The following OTUD6B variants were observed in gnomAD, a reference collection of about 807,000 sequenced individuals.
The protein encoded by OTUD6B is deubiquitinase OTUD6B.
A neutral mutation model predicts 36.9 loss-of-function variants in OTUD6B; 41 were observed. The observed-to-expected ratio is 1.11, with a 90% CI of 0.87 to 1.44. The LOEUF (loss-of-function observed/expected upper bound fraction) is 1.44. Among genes scored for constraint, OTUD6B ranks in the 40% most tolerant of loss-of-function variants. The pLI, the probability that OTUD6B is intolerant of heterozygous loss-of-function variation, is 0.00. For missense variants in OTUD6B, 356 were observed against 344.8 expected (o/e 1.03, Z -0.26); for synonymous variants, 114 against 114.2 (o/e 1.00, Z 0.01).
At chr8:91,083,871 T>C in intron 5 of OTUD6B, 137 bp from the exon 6 acceptor site, 1 of 839,084 alleles carries the variant, frequency 1.2e-6, no homozygotes, top group Non-Finnish European at 1.7e-6. Flanking sequence ...ATTTATTAAG[T>C]GCCCAGTATA....
In OTUD6B at chr8:91,084,876, A is replaced by G. The variant is rs1296672080; in HGVS notation, c.*8A>G. On this transcript the variant is annotated 3_prime_UTR_variant, in exon 7 of 7. Coordinates refer to ENST00000404789, the MANE Select transcript of OTUD6B (RefSeq NM_016023.5). ...ACTGAAAATTGCAGCTAATTTATACAATGTTGTACAATTATGTTTTAATAC... is the reference window on the plus strand; with the variant it reads ...ACTGAAAATTGCAGCTAATTTATACGATGTTGTACAATTATGTTTTAATAC... The G allele has an allele frequency of 2.9e-6, 4 of 1,369,094 alleles. No homozygotes were observed. Among genetic ancestry groups the G allele is most frequent in the Non-Finnish European group, 4.1e-6 (4 of 980,106 alleles). The allele number at this position is 1,369,094 out of a possible 1,614,324, so 84.8% of individuals were successfully genotyped here.
chr8:91,080,559 ATG>A, intron 4 of OTUD6B, 108 bp from the exon 5 acceptor site: 1 of 1,475,538 alleles, frequency 6.8e-7, no homozygotes, highest in Non-Finnish European at 9.0e-7. Context: ...GAGAAGGAGA[ATG>A]TTCATAACTT....
At chr8:91,080,337 C>T (rs1181382809) in intron 4 of OTUD6B, among the ~76,000 whole-genome samples, 1 of 152,014 alleles carries the variant, frequency 6.6e-6, no homozygotes, top group Admixed American at 6.6e-5. Context: ...CTTCAAAACA[C>T]ATGTCAAGAT....
chr8:91,070,501 C>T, intron 1 of OTUD6B, 35 bp downstream of exon 1: 2 of 1,549,134 alleles, frequency 1.3e-6, no homozygotes, highest in African/African-American at 1.4e-5. Context: ...TGGAAGCCGC[C>T]GCGACTGGGG....
At position 91,070,442 on chromosome 8, in the gene OTUD6B, C is replaced by G; in HGVS notation, c.58C>G (p.Arg20Gly). 1 of 1,581,444 alleles carries G rather than the reference C, an allele frequency of 6.3e-7. No homozygotes were observed. The highest frequency in any genetic ancestry group is 2.3e-5 in the East Asian group (1 of 43,314). The change falls in exon 1 of 7, where the codon CGC becomes GGC. Residue 20 changes from arginine (R) to glycine (G), a missense_variant. Transcript: ENST00000404789. The stretch of plus-strand genomic sequence containing the variant: ...GGAAGAGCAGCTGCTGAGAAGGCAT[C>G]GCAAAGAGAAGAAGGAGTTGCAAGG... ...DEEEQLLRRH[R>G]KEKKELQAKI...
rs182324479 is a variant in OTUD6B, at chr8:91,085,182, A to G, written c.*314A>G. 36 of 167,450 alleles carry G rather than the reference A, an allele frequency of 2.1e-4. 1 individual carries two copies. The highest frequency in any genetic ancestry group is 7.7e-5 in the Non-Finnish European group (6 of 78,368). The allele number at this position is 167,450 out of a possible 1,614,324, so 10.4% of individuals were successfully genotyped here. A position where few individuals can be genotyped will look rare whatever the true frequency, so the allele number is the denominator to read the frequency against. On this transcript the variant is annotated 3_prime_UTR_variant, in exon 7 of 7. Coordinates refer to ENST00000404789, the MANE Select transcript of OTUD6B (RefSeq NM_016023.5). ...TGTTTTGTGTTGGAACAAATTTTCA[A>G]TGTTTTTAATTCTCCCTTTTCTGCC...
intron 3 of OTUD6B, among the ~76,000 whole-genome samples, chr8:91,077,132 T>A: frequency 1.3e-5 from 2 of 152,244 alleles, no homozygotes; most frequent in South Asian, 4.1e-4. Context: ...TCAAAATTTA[T>A]ATAACTTAGT....
chr8:91,073,656 C>T, intron 2 of OTUD6B, 175 bp from the exon 3 acceptor site: 1 of 596,524 alleles, frequency 1.7e-6, no homozygotes, highest in Non-Finnish European at 2.1e-6. Context: ...TTGAAAGAAA[C>T]TTCTTGGGAA....
At position 91,079,905 on chromosome 8, in the gene OTUD6B, T is replaced by G. The variant is rs72664455; in HGVS notation, c.629-764T>G. 1.9e-3 allele frequency among the ~76,000 whole-genome samples: 282 copies of G among 152,250 alleles called. 2 individuals carry two copies. The highest frequency in any genetic ancestry group is 3.6e-3 in the Non-Finnish European group (247 of 67,982). On this transcript the variant is annotated intron_variant, in intron 4 of 6. Coordinates refer to ENST00000404789, the MANE Select transcript of OTUD6B (RefSeq NM_016023.5). ...CTACTCTAGGCACTGTTCTGAACGC[T>G]GAGGATTTAACAGGGTATGAGACAA... is the stretch of plus-strand genomic sequence containing the variant.
At chr8:91,075,774 T>C (rs1452950183) in intron 3 of OTUD6B, among the ~76,000 whole-genome samples, 2 of 152,142 alleles carry the variant, frequency 1.3e-5, no homozygotes, top group Non-Finnish European at 2.9e-5. Flanking sequence ...AATCGGGTGT[T>C]AGATTATTTG....
At chr8:91,072,573 C>T (rs1812721296) in intron 2 of OTUD6B, among the ~76,000 whole-genome samples, 1 of 152,212 alleles carries the variant, frequency 6.6e-6, no homozygotes, top group South Asian at 2.1e-4. Flanking sequence ...ATGGTCCTTA[C>T]ATTAAATATA....
At chr8:91,080,461 C>G (rs968736297) in intron 4 of OTUD6B, 12 of 596,014 alleles carry the variant, frequency 2.0e-5, no homozygotes, top group Non-Finnish European at 2.5e-5. Flanking sequence ...AAATGGACTG[C>G]TTTGTTCTTG....
At chr8:91,083,310 G>A (rs1419978986) in intron 5 of OTUD6B, among the ~76,000 whole-genome samples, 1 of 152,020 alleles carries the variant, frequency 6.6e-6, no homozygotes, top group South Asian at 2.1e-4. Flanking sequence ...TATTTGGTCC[G>A]GTGCTTGAGC....
chr8:91,072,771 T>C (rs1055722383), intron 2 of OTUD6B, among the ~76,000 whole-genome samples: 1 of 152,220 alleles, frequency 6.6e-6, no homozygotes, highest in Non-Finnish European at 1.5e-5. Flanking sequence ...CTCAGACCTT[T>C]CCATTTTGAG....
intron 2 of OTUD6B, among the ~76,000 whole-genome samples, chr8:91,072,213 G>C (rs1332379137): frequency 1.3e-5 from 2 of 152,120 alleles, no homozygotes; most frequent in Non-Finnish European, 2.9e-5. Context: ...ACACTGTGAG[G>C]TATTACCTAT....
intron 3 of OTUD6B, among the ~76,000 whole-genome samples, chr8:91,077,014 G>C (rs1812814702): frequency 6.6e-6 from 1 of 152,028 alleles, no homozygotes; most frequent in Non-Finnish European, 1.5e-5. Context: ...ATTGAAACTT[G>C]CCTTCCCATT....
At chr8:91,076,757 A>G in intron 3 of OTUD6B, 1 of 789,202 alleles carries the variant, frequency 1.3e-6, no homozygotes, top group Admixed American at 2.0e-5. Context: ...TTCCCCTCTG[A>G]AACTTTTTTA....
intron 2 of OTUD6B, 105 bp downstream of exon 2, chr8:91,071,394 G>C (rs1474457838): frequency 3.2e-6 from 3 of 944,568 alleles, no homozygotes; most frequent in East Asian, 5.5e-5. Flanking sequence ...ACGGTGTCTC[G>C]CTTTGCAAAA....
At chr8:91,079,934 CAT>C (rs1812869579) in intron 4 of OTUD6B, among the ~76,000 whole-genome samples, 1 of 152,166 alleles carries the variant, frequency 6.6e-6, no homozygotes, top group South Asian at 2.1e-4. Flanking sequence ...GAGACAAACA[CAT>C]GAGACATATT....
Sources: allele counts gnomAD v4.1 joint callset (sites outside exome capture counted in the v4.1 genomes callset), GRCh38; gene constraint gnomAD v4.1.1; transcripts MANE v1.5; gene names NCBI Gene and HGNC (gene_info 2026-07-23, HGNC 2026-07-21).